Variants in CABLES1 observed in about 807,000 individuals in gnomAD.
CABLES1 encodes the protein CDK5 and ABL1 enzyme substrate 1.
In CABLES1, 36 loss-of-function variants were observed where a neutral mutation model predicts 57.8. The ratio of observed to expected loss-of-function variants is 0.62; its 90% CI spans 0.48 to 0.82. The LOEUF (loss-of-function observed/expected upper bound fraction) is 0.82, where lower values mean the gene tolerates loss of function less well. CABLES1 is among the 40% of genes least tolerant of loss of function. The probability of loss-of-function intolerance (pLI) is 0.00; values close to 1 mark genes in which losing one functional copy is unlikely to be tolerated. For synonymous variants in CABLES1, 374 were observed against 363.0 expected (o/e 1.03, Z -0.35); for missense variants, 767 against 836.6 (o/e 0.92, Z 1.03).
At chr18:23,214,887 C>T (rs1295204418) in intron 4 of CABLES1, 1 of 152,350 alleles carries the variant, frequency 6.6e-6, no homozygotes, top group East Asian at 1.9e-4. Flanking sequence ...CTTCCACCAT[C>T]TCCGTGAGCT....
chr18:23,212,844 GAATA>G (rs540439757), intron 3 of CABLES1, among the ~76,000 whole-genome samples: 117 of 152,328 alleles, frequency 7.7e-4, no homozygotes, highest in East Asian at 6.2e-3. Context: ...ACGTTTGGAA[GAATA>G]AATAGGAGTT....
rs114501254 is a variant in CABLES1, at chr18:23,199,054, T to G, written c.1010+4514T>G. ...CCATATGCAGTAAGATAGTGTGTCA[T>G]GGTGGACTTAAAGAAAATTCCCTCT... On this transcript the variant is annotated intron_variant, in intron 3 of 9. Transcript: ENST00000256925. 8.4e-3 allele frequency among the ~76,000 whole-genome samples: 1,280 copies of G among 152,314 alleles called. 10 individuals carry two copies. Among genetic ancestry groups the G allele is most frequent in the Middle Eastern group, 0.024 (7 of 294 alleles).
At position 23,238,033 on chromosome 18, in the gene CABLES1, C is replaced by T. The variant is rs552604209; in HGVS notation, c.1446+788C>T. Among the ~76,000 whole-genome samples the T allele has an allele frequency of 9.8e-5, 15 of 152,358 alleles. No individual in the cohort carries two copies. The East Asian group carries it at 2.5e-3, about 25-fold the overall frequency. ...CCAGAATGCCCCCACCACCTCCCTG[C>T]GTTTTGCATGTCCTGGCCCATGAGC... On this transcript the variant is annotated intron_variant, in intron 7 of 9. Transcript: ENST00000256925.
chr18:23,229,918 C>CTTGT (rs1190762618), intron 4 of CABLES1, among the ~76,000 whole-genome samples: 1 of 152,162 alleles, frequency 6.6e-6, no homozygotes, highest in East Asian at 1.9e-4. Flanking sequence ...TCAAGTACGA[C>CTTGT]CAAAGAACAG....
At chr18:23,203,946 A>AT (rs945190973) in intron 3 of CABLES1, among the ~76,000 whole-genome samples, 1 of 152,070 alleles carries the variant, frequency 6.6e-6, no homozygotes, top group African/African-American at 2.4e-5. Flanking sequence ...AAGCATCTTT[A>AT]TCCTTGTCAT....
chr18:23,205,940 A>C (rs2047359907), intron 3 of CABLES1, among the ~76,000 whole-genome samples: 1 of 152,134 alleles, frequency 6.6e-6, no homozygotes, highest in South Asian at 2.1e-4. Context: ...GTCACAAGCC[A>C]TGGAGCCACC....
At chr18:23,207,908 G>C (rs2047375665) in intron 3 of CABLES1, among the ~76,000 whole-genome samples, 1 of 152,198 alleles carries the variant, frequency 6.6e-6, no homozygotes, top group African/African-American at 2.4e-5. Flanking sequence ...ACCAGTAACA[G>C]TACCACCATG....
At chr18:23,231,496 A>T (rs2047566835) in intron 4 of CABLES1, among the ~76,000 whole-genome samples, 1 of 152,030 alleles carries the variant, frequency 6.6e-6, no homozygotes, top group African/African-American at 2.4e-5. Flanking sequence ...TTATTTTCTT[A>T]CTCGGCTTAG....
At chr18:23,180,033 C>A (rs992983949) in intron 1 of CABLES1, among the ~76,000 whole-genome samples, 12 of 152,208 alleles carry the variant, frequency 7.9e-5, no homozygotes, top group African/African-American at 2.9e-4. Flanking sequence ...ATTCTCCTGC[C>A]TCAGCCTTCT....
chr18:23,237,105 G>A (rs766926220), intron 6 of CABLES1, 37 bp from the exon 7 acceptor site: 15 of 1,237,100 alleles, frequency 1.2e-5, no homozygotes, highest in African/African-American at 4.4e-5. Context: ...GTCCGGAGCC[G>A]CTAATTATCA....
At chr18:23,246,455 G>T (rs529578520) in intron 7 of CABLES1, among the ~76,000 whole-genome samples, 2 of 151,916 alleles carry the variant, frequency 1.3e-5, no homozygotes, top group South Asian at 4.2e-4. Context: ...GCAGTGGCAA[G>T]ATCTTGGCTC....
At chr18:23,160,162 C>T (rs1047022957) in intron 1 of CABLES1, among the ~76,000 whole-genome samples, 23 of 151,678 alleles carry the variant, frequency 1.5e-4, no homozygotes, top group African/African-American at 4.4e-4. Flanking sequence ...CTCAGCCTCC[C>T]GAGTAGCTGG....
chr18:23,161,754 C>A (rs1416644664), intron 1 of CABLES1, among the ~76,000 whole-genome samples: 4,050 of 32,816 alleles, frequency 0.12, 456 homozygotes, highest in African/African-American at 0.15. Context: ...ACTAAAAATC[C>A]AAAAAAAAAA....
intron 4 of CABLES1, among the ~76,000 whole-genome samples, chr18:23,220,984 C>T (rs1405113732): frequency 6.6e-6 from 1 of 152,164 alleles, no homozygotes; most frequent in Non-Finnish European, 1.5e-5. Flanking sequence ...GTGTTCCTGG[C>T]TCATGACCCT....
At chr18:23,158,612 CTTTA>C (rs2046981353) in intron 1 of CABLES1, among the ~76,000 whole-genome samples, 1 of 152,134 alleles carries the variant, frequency 6.6e-6, no homozygotes, top group African/African-American at 2.4e-5. Context: ...TGTTTTGGAG[CTTTA>C]TTTATCCAGT....
chr18:23,219,347 GA>G, intron 4 of CABLES1: 1 of 454,128 alleles, frequency 2.2e-6, no homozygotes, highest in South Asian at 1.6e-5. Flanking sequence ...TAGAGCAGAG[GA>G]AGGAGTTGGG....
chr18:23,181,101 C>T (rs541431803), intron 1 of CABLES1, among the ~76,000 whole-genome samples: 13 of 152,106 alleles, frequency 8.5e-5, no homozygotes, highest in Non-Finnish European at 1.6e-4. Context: ...AGCCCTGACT[C>T]CTTACCCATA....
chr18:23,191,544 G>C (rs890633885), intron 2 of CABLES1, among the ~76,000 whole-genome samples: 12 of 152,144 alleles, frequency 7.9e-5, no homozygotes, highest in African/African-American at 2.9e-4. Context: ...GGGAACTGTG[G>C]GGGTGGAAGG....
chr18:23,135,900 G>A lies in CABLES1; in HGVS notation c.138G>A (p.Gln46=), dbSNP rs765509840. The part of the protein sequence containing the change: ...QPQPAAAAPA[Q]PPPEPPRKPR... ...AGCCCGCGGCCGCCGCGCCGGCCCA[G>A]CCGCCGCCCGAACCCCCCCGGAAGC... is the stretch of plus-strand genomic sequence containing the variant. The change falls in exon 1 of 10, where the codon CAG becomes CAA. Residue 46 remains glutamine, a synonymous_variant. Coordinates refer to ENST00000256925, the MANE Select transcript of CABLES1 (RefSeq NM_001100619.3). 7 of 1,070,450 alleles carry A rather than the reference G, an allele frequency of 6.5e-6. No homozygotes were observed. Among genetic ancestry groups the A allele is most frequent in the African/African-American group, 3.4e-5 (2 of 58,438 alleles). 66.3% of individuals were successfully genotyped at this position (1,070,450 alleles called of 1,614,324 possible). A position where few individuals can be genotyped will look rare whatever the true frequency, so the allele number is the denominator to read the frequency against.
Sources: allele counts gnomAD v4.1 joint callset (sites outside exome capture counted in the v4.1 genomes callset), GRCh38; gene constraint gnomAD v4.1.1; transcripts MANE v1.5; gene names NCBI Gene and HGNC (gene_info 2026-07-23, HGNC 2026-07-21).